The following TLE2 variants were observed in gnomAD, a reference collection of about 807,000 sequenced individuals.
The protein encoded by TLE2 is transducin-like enhancer protein 2.
A neutral mutation model predicts 97.2 loss-of-function variants in TLE2; 74 were observed. That is an observed-to-expected ratio of 0.76 (90% CI 0.63 to 0.92). The LOEUF is 0.92. Among genes scored for constraint, TLE2 ranks in the 40% least tolerant of loss-of-function variants. The pLI is 0.00. For missense variants in TLE2, 1,038 were observed against 1,008.7 expected (o/e 1.03, Z -0.39); for synonymous variants, 499 against 432.1 (o/e 1.15, Z -1.92).
chr19:3,029,518 A>C (rs1243462456), upstream of TLE2: 2 of 968,488 alleles, frequency 2.1e-6, no homozygotes, highest in African/African-American at 3.7e-5. Context: ...GAGAAGAAAA[A>C]CCAGTGAAGA....
At chr19:3,026,830 CTGAGGTCTATCTCAGAACCT>C (rs1224907875) in intron 4 of TLE2, among the ~76,000 whole-genome samples, 7 of 151,898 alleles carry the variant, frequency 4.6e-5, no homozygotes, top group East Asian at 3.9e-4. Flanking sequence ...TCTCTGAACC[CTGAGGTCTATCTCAGAACCT>C]TGAGGTCTAT....
At chr19:3,024,635 G>A (rs930012748) in intron 5 of TLE2, among the ~76,000 whole-genome samples, 5 of 152,088 alleles carry the variant, frequency 3.3e-5, no homozygotes, top group Admixed American at 2.6e-4. Context: ...AGCACCCTGG[G>A]TGTATGAGCT....
intron 19 of TLE2, 130 bp downstream of exon 19, chr19:3,000,517 C>T (rs974845118): frequency 3.0e-5 from 23 of 768,194 alleles, no homozygotes; most frequent in Admixed American, 1.0e-4. Flanking sequence ...GGGAGGCTTG[C>T]AGGACCCTGA....
intron 1 of TLE2, among the ~76,000 whole-genome samples, chr19:3,040,114 C>A (rs1474146999): frequency 2.0e-5 from 3 of 152,130 alleles, no homozygotes; most frequent in African/African-American, 7.2e-5. Context: ...CTGGTCATTG[C>A]AGCAACCCCA....
At chr19:3,026,932 G>A (rs761028151) in intron 4 of TLE2, among the ~76,000 whole-genome samples, 2 of 149,864 alleles carry the variant, frequency 1.3e-5, no homozygotes, top group Admixed American at 7.5e-5. Flanking sequence ...TCAGGACCTT[G>A]AGGTCTATCT....
chr19:3,017,982 G>T, intron 7 of TLE2, 123 bp from the exon 8 acceptor site: 1 of 774,530 alleles, frequency 1.3e-6, no homozygotes, highest in African/African-American at 1.8e-5. Context: ...CCCACTCAGA[G>T]TCTCTCTACC....
At chr19:3,013,086 T>C (rs1405493841) in intron 11 of TLE2, among the ~76,000 whole-genome samples, 1 of 152,060 alleles carries the variant, frequency 6.6e-6, no homozygotes, top group Non-Finnish European at 1.5e-5. Context: ...GAAACCGACA[T>C]ACTCTTCCCT....
rs369031101 is a variant in TLE2 at position 3,013,953 on chromosome 19, C to A, written c.724-135G>T. On this transcript the variant is annotated intron_variant, in intron 10 of 19. Coordinates refer to ENST00000262953, the MANE Select transcript of TLE2 (RefSeq NM_003260.5). ...ACCCACCATGGGAAGATTATGAAAT[C>A]TTCTGCTGCCTCAGTTTACTCATCT... 1.7e-4 allele frequency: 146 copies of A among 872,442 alleles called. No individual in the cohort carries two copies. In the African/African-American group the frequency reaches 2.3e-3, roughly 13 times the overall value. The allele number at this position is 872,442 out of a possible 1,614,324, so 54.0% of individuals were successfully genotyped here.
In TLE2 at chr19:3,028,395, GA is replaced by G; in HGVS notation, c.123-14del. On this transcript the variant is annotated splice_polypyrimidine_tract_variant and intron_variant, in intron 2 of 19. Coordinates refer to ENST00000262953, the MANE Select transcript of TLE2 (RefSeq NM_003260.5). ...TTCTAGCTTGAGGCTGAGAAGAAGA[GA>G]GAGGGCAAGGGGCTCCCACCCGCCC... 6.3e-7 allele frequency: 1 copy of G among 1,596,188 alleles called. No homozygotes were observed. The highest frequency in any genetic ancestry group is 8.5e-7 in the Non-Finnish European group (1 of 1,170,796).
chr19:3,033,081 C>T (rs1249383632), upstream of TLE2, among the ~76,000 whole-genome samples: 3 of 151,810 alleles, frequency 2.0e-5, no homozygotes, highest in African/African-American at 7.3e-5. Context: ...TTACAGATCT[C>T]GGCTCACTGC....
At chr19:3,003,589 G>C (rs2089412589) in intron 17 of TLE2, among the ~76,000 whole-genome samples, 1 of 151,908 alleles carries the variant, frequency 6.6e-6, no homozygotes, top group Non-Finnish European at 1.5e-5. Flanking sequence ...AGTGACCTGA[G>C]ATTGCACCAC....
chr19:3,029,559 G>GGA (rs1555694584), upstream of TLE2: 11 of 489,626 alleles, frequency 2.2e-5, no homozygotes, highest in Admixed American at 1.3e-4. Context: ...CCGTGGGAGC[G>GGA]GGGGGGGGGG....
chr19:3,032,891 T>G (rs1396906032), upstream of TLE2, among the ~76,000 whole-genome samples: 1 of 151,868 alleles, frequency 6.6e-6, no homozygotes, highest in Non-Finnish European at 1.5e-5. The surrounding 1 kb of genome is among the most constrained non-coding windows in gnomAD (Gnocchi z 4.1). Flanking sequence ...TGGTAGCCTC[T>G]GTCCTCATTG....
intron 3 of TLE2, 123 bp from the exon 4 acceptor site, chr19:3,027,996 C>A: frequency 2.0e-6 from 2 of 987,560 alleles, no homozygotes; most frequent in African/African-American, 1.6e-5. Flanking sequence ...AAGCAGAGCC[C>A]CCCCCAGCTC....
intron 17 of TLE2, among the ~76,000 whole-genome samples, chr19:3,004,309 A>C (rs977406885): frequency 1.5e-4 from 23 of 152,102 alleles, no homozygotes; most frequent in African/African-American, 5.6e-4. Flanking sequence ...AGCTGTGTCC[A>C]CCTGCACTCC....
In TLE2 at chr19:3,015,721, C is replaced by G. The variant is rs984094764; in HGVS notation, c.610G>C (p.Glu204Gln). ...PSPPESLVEE[E>Q]RPSGPGGGGK... The stretch of plus-strand genomic sequence containing the variant: ...CCACCACCAGGGCCACTCGGTCGCT[C>G]CTCCTCCACGAGACTCTCAGGGGGC... Residue 204 changes from glutamate to glutamine, a missense_variant, in exon 9 of 20, where the codon GAG becomes CAG. Glu to Gln is a conservative substitution (Grantham distance 29). Coordinates refer to ENST00000262953, the MANE Select transcript of TLE2 (RefSeq NM_003260.5). 1.9e-6 allele frequency: 3 copies of G among 1,611,270 alleles called. No homozygotes were observed. The highest frequency in any genetic ancestry group is 2.5e-6 in the Non-Finnish European group (3 of 1,179,330).
chr19:3,008,967 G>T (rs1462955130), intron 13 of TLE2, 22 bp from the exon 14 acceptor site: 1 of 1,554,068 alleles, frequency 6.4e-7, no homozygotes, highest in Admixed American at 1.9e-5. Flanking sequence ...CCAGGGGGGT[G>T]TCAGTGAGGC....
In TLE2 at chr19:3,019,784, G is replaced by A; in HGVS notation, c.295-11C>T. ...CACCTGCTGCTGATGCTGGCGGGTG[G>A]AAGGGATCAGGTAGAGGGTACATTG... On this transcript the variant is annotated splice_polypyrimidine_tract_variant and intron_variant, in intron 5 of 19. Coordinates refer to ENST00000262953, the MANE Select transcript of TLE2 (RefSeq NM_003260.5). This position sits in a 1 kb window ranked among gnomAD's most constrained non-coding sequence, Gnocchi z 5.1. 1.2e-6 allele frequency: 2 copies of A among 1,610,378 alleles called. No homozygotes were observed. The highest frequency in any genetic ancestry group is 1.1e-5 in the South Asian group (1 of 90,266).
At chr19:3,015,061 A>AG (rs1729147721) in intron 9 of TLE2, among the ~76,000 whole-genome samples, 1 of 50,828 alleles carries the variant, frequency 2.0e-5, no homozygotes, top group Non-Finnish European at 5.5e-5. Context: ...TCATTGCCAA[A>AG]AAAAAAAAAA....
Sources: gnomAD v4.1 joint callset for allele counts (sites outside exome capture counted in the v4.1 genomes callset) on GRCh38, gnomAD v4.1.1 for gene constraint, Gnocchi (gnomAD v3.1) non-coding constraint, MANE v1.5 for transcripts, NCBI Gene and HGNC (gene_info 2026-07-23, HGNC 2026-07-21) for gene names.